The following AMZ1 variants were observed in gnomAD, a reference collection of about 807,000 sequenced individuals.
The protein encoded by AMZ1 is archaemetzincin-1.
In AMZ1, 39 loss-of-function variants were observed where a neutral mutation model predicts 29.9. The observed-to-expected ratio is 1.30, with a 90% CI of 1.01 to 1.70. AMZ1 has a LOEUF of 1.70. Ranked by LOEUF, AMZ1 falls within the 40% of genes most tolerant of loss-of-function variation. The pLI, the probability that AMZ1 is intolerant of heterozygous loss-of-function variation, is 0.00. For missense variants in AMZ1, 1,041 were observed against 680.6 expected (o/e 1.53, Z -5.89); for synonymous variants, 458 against 304.0 (o/e 1.51, Z -5.27).
At chr7:2,696,183 G>C (rs1026386929) in intron 1 of AMZ1, among the ~76,000 whole-genome samples, 1 of 151,626 alleles carries the variant, frequency 6.6e-6, no homozygotes, top group Non-Finnish European at 1.5e-5. Flanking sequence ...GACAAAAACT[G>C]CACCCACTTT....
intron 4 of AMZ1, among the ~76,000 whole-genome samples, chr7:2,741,727 G>C (rs1299245450): frequency 4.0e-5 from 6 of 151,888 alleles, no homozygotes; most frequent in Non-Finnish European, 7.4e-5. Flanking sequence ...CATCATTTGA[G>C]AGCAAGTTGT....
chr7:2,692,816 G>A (rs758757085), intron 1 of AMZ1, among the ~76,000 whole-genome samples: 2 of 152,096 alleles, frequency 1.3e-5, no homozygotes, highest in Non-Finnish European at 2.9e-5. Context: ...ACAGCCTCCC[G>A]GCTCCTGCGC....
At chr7:2,756,314 C>G (rs1308454071) in intron 4 of AMZ1, among the ~76,000 whole-genome samples, 1 of 152,092 alleles carries the variant, frequency 6.6e-6, no homozygotes, top group Non-Finnish European at 1.5e-5. Flanking sequence ...CTAACTATGT[C>G]CTATATAAAT....
In AMZ1 at chr7:2,717,792, T is replaced by TTTA. The variant is rs1389396662; in HGVS notation, c.*4917_*4919dup. Reference sequence around the variant, plus strand: ...GAATGAGAACCCGGAAGAATGGAGGTTTATTTTTGAACTCAGCTTCTTGGG... The same window carrying TTTA: ...GAATGAGAACCCGGAAGAATGGAGGTTTATTATTTTTGAACTCAGCTTCTTGGG... On this transcript the variant is annotated 3_prime_UTR_variant, in exon 7 of 7. Transcript: ENST00000683327. 6.6e-6 allele frequency among the ~76,000 whole-genome samples: 1 copy of TTTA among 151,842 alleles called. No homozygotes were observed. The highest frequency in any genetic ancestry group is 1.5e-5 in the Non-Finnish European group (1 of 67,948).
intron 4 of AMZ1, among the ~76,000 whole-genome samples, chr7:2,743,742 G>A (rs1168721028): frequency 1.3e-5 from 2 of 152,220 alleles, no homozygotes; most frequent in East Asian, 1.9e-4. Flanking sequence ...CACTCGGGAA[G>A]CGCAAGGGGT....
intron 3 of AMZ1, 76 bp downstream of exon 3, chr7:2,702,965 A>G: frequency 6.8e-7 from 1 of 1,460,502 alleles, no homozygotes; most frequent in South Asian, 1.3e-5. Context: ...GAAGGCGCCC[A>G]GGAGAGGAAG....
At chr7:2,687,325 T>TAA (rs753707619), upstream of AMZ1, among the ~76,000 whole-genome samples, 2 of 142,982 alleles carry the variant, frequency 1.4e-5, no homozygotes, top group African/African-American at 5.1e-5. Flanking sequence ...AGACTCCATC[T>TAA]AAAAAAAAAA....
In AMZ1 at chr7:2,718,121, CACT is replaced by C. The variant is rs1447415971; in HGVS notation, c.*5244_*5246del. 2.6e-5 allele frequency among the ~76,000 whole-genome samples: 4 copies of C among 152,176 alleles called. No individual in the cohort carries two copies. The highest frequency in any genetic ancestry group is 9.7e-5 in the African/African-American group (4 of 41,426). ...AGAGACGACACCTACCAGATTCCAC[CACT>C]GAGGCCTCCCTCGATGCCTGCTCCC... On this transcript the variant is annotated 3_prime_UTR_variant, in exon 7 of 7. Transcript: ENST00000683327.
intron 4 of AMZ1, among the ~76,000 whole-genome samples, chr7:2,737,263 AGTTTTGTTTTGTTTTTTTTTTTTTT>A (rs534975228): frequency 0.018 from 1,424 of 79,560 alleles, 26 homozygotes; most frequent in Middle Eastern, 0.11. Context: ...GCTATCTCAC[AGTTTTGTTTTGTTTTTTTTTTTTTT>A]GTTTTTTTTT....
At chr7:2,710,213 CGAG>C (rs1416665351) in intron 6 of AMZ1, among the ~76,000 whole-genome samples, 1 of 152,092 alleles carries the variant, frequency 6.6e-6, no homozygotes, top group Non-Finnish European at 1.5e-5. Context: ...AGGCCCCTTG[CGAG>C]GAGGTGGGAG....
chr7:2,722,919 C>T (rs138136584), downstream of AMZ1, among the ~76,000 whole-genome samples: 78 of 151,884 alleles, frequency 5.1e-4, no homozygotes, highest in African/African-American at 1.9e-3. Flanking sequence ...TTTGAGGCTG[C>T]GATGAGCTAT....
Position 2,709,193 on chromosome 7 carries a change from CAG to C in AMZ1, c.721_722del (p.Arg241GlyfsTer114). On this transcript the variant is annotated frameshift_variant, in exon 5 of 7. Transcript: ENST00000683327. LOFTEE classifies it high-confidence loss of function. ...ADGPEAPLQDRGWALCFSALG... is the reference protein window; with the variant it reads ...ADGPEAPLQDXGWALCFSALG... ...ACGGCCCCGAGGCCCCCCTGCAGGA[CAG>C]GGGCTGGGCCCTGTGCTTCAGTGCC... is the stretch of plus-strand genomic sequence containing the variant. The C allele has an allele frequency of 6.5e-7, 1 of 1,533,128 alleles. No homozygotes were observed. The highest frequency in any genetic ancestry group is 8.8e-7 in the Non-Finnish European group (1 of 1,141,868). 95.0% of individuals were successfully genotyped at this position (1,533,128 alleles called of 1,614,324 possible).
rs146163768 is a variant in AMZ1, at chr7:2,707,846, T to C, written c.473-742T>C. On this transcript the variant is annotated intron_variant, in intron 3 of 6. Transcript: ENST00000683327. ...TTTTTTTTTTTTTTTTTTTTTGAGATGGAGTCTGGCTCTGTTGCCCAGGCT... is the reference window on the plus strand; with the variant it reads ...TTTTTTTTTTTTTTTTTTTTTGAGACGGAGTCTGGCTCTGTTGCCCAGGCT... Among the ~76,000 whole-genome samples the C allele has an allele frequency of 4.6e-3, 605 of 131,572 alleles. 9 individuals carry two copies. Among genetic ancestry groups the C allele is most frequent in the African/African-American group, 0.018 (586 of 33,068 alleles). The allele number at this position is 131,572 out of a possible 152,430, so 86.3% of individuals were successfully genotyped here.
upstream of AMZ1, among the ~76,000 whole-genome samples, chr7:2,686,045 A>G (rs1176968828): frequency 6.6e-6 from 1 of 152,188 alleles, no homozygotes; most frequent in Non-Finnish European, 1.5e-5. Context: ...AGATCTGTGG[A>G]AACAAGATCG....
At chr7:2,709,005 G>A (rs996571033) in intron 4 of AMZ1, 70 bp from the exon 5 acceptor site, 3 of 1,484,770 alleles carry the variant, frequency 2.0e-6, no homozygotes, top group South Asian at 1.4e-5. Flanking sequence ...AGCATGAGGT[G>A]GGTTTGACGG....
Position 2,716,117 on chromosome 7 carries a change from CTG to C in AMZ1, c.*3246_*3247del, listed in dbSNP as rs367869961. On this transcript the variant is annotated 3_prime_UTR_variant, in exon 7 of 7. Coordinates refer to ENST00000683327, the MANE Select transcript of AMZ1 (RefSeq NM_001384743.1). ...GTCATGACAGATGTTATCTGTATTGCTGTGTGTGCGATGAGTCTGGGGAAGCT... is the reference window on the plus strand; with the variant it reads ...GTCATGACAGATGTTATCTGTATTGCTGTGTGCGATGAGTCTGGGGAAGCT... 13 of 152,324 alleles carry C rather than the reference CTG, an allele frequency of 8.5e-5. No individual in the cohort carries two copies. Among genetic ancestry groups the C allele is most frequent in the African/African-American group, 2.6e-4 (11 of 41,546 alleles). 9.4% of individuals were successfully genotyped at this position (152,324 alleles called of 1,614,324 possible). A position where few individuals can be genotyped will look rare whatever the true frequency, so the allele number is the denominator to read the frequency against.
At chr7:2,712,024 C>G (rs925249847) in intron 6 of AMZ1, among the ~76,000 whole-genome samples, 54 of 151,076 alleles carry the variant, frequency 3.6e-4, no homozygotes, top group African/African-American at 1.1e-3. Context: ...TCCAGCCTGG[C>G]CAACAGAGTG....
At position 2,757,568 on chromosome 7, in the gene AMZ1, G is replaced by A. The variant is rs186267387; in HGVS notation, n.551-7144G>A. On this transcript the variant is annotated intron_variant and non_coding_transcript_variant, in intron 4 of 4. Coordinates refer to the AMZ1 transcript ENST00000489665. ...GATGGGAACGCGGCCAGGTGCACCA[G>A]CCTGCGAGGTTCCGAGCAGAGCACG... 2.2e-3 allele frequency among the ~76,000 whole-genome samples: 337 copies of A among 152,346 alleles called. 3 individuals carry two copies. Among genetic ancestry groups the A allele is most frequent in the Non-Finnish European group, 3.5e-3 (239 of 68,032 alleles).
At position 2,717,265 on chromosome 7, in the gene AMZ1, T is replaced by C. The variant is rs1015525703; in HGVS notation, c.*4387T>C. Among the ~76,000 whole-genome samples, 2 of 152,246 alleles carry C rather than the reference T, an allele frequency of 1.3e-5. No homozygotes were observed. The highest frequency in any genetic ancestry group is 2.9e-5 in the Non-Finnish European group (2 of 68,040). On this transcript the variant is annotated 3_prime_UTR_variant, in exon 7 of 7. Coordinates refer to ENST00000683327, the MANE Select transcript of AMZ1 (RefSeq NM_001384743.1). ...GGGCGAGGCCTGCACAGGAATATTT[T>C]TATCCCCGTGAAGACGGAGAGAATC...
Sources: gnomAD v4.1 joint callset for allele counts (sites outside exome capture counted in the v4.1 genomes callset) on GRCh38, gnomAD v4.1.1 for gene constraint, MANE v1.5 for transcripts, NCBI Gene and HGNC (gene_info 2026-07-23, HGNC 2026-07-21) for gene names.